Variants in GAS7 observed in about 807,000 individuals in gnomAD.
GAS7 encodes the protein growth arrest specific 7, also known as growth arrest-specific protein 7.
Under a neutral mutation model 71.1 loss-of-function variants are expected in GAS7, and 28 were observed. The ratio of observed to expected loss-of-function variants is 0.39; its 90% confidence interval spans 0.29 to 0.54. The LOEUF (loss-of-function observed/expected upper bound fraction) is 0.54. Ranked by LOEUF, GAS7 falls within the 20% of genes least tolerant of loss-of-function variation. GAS7 has a pLI of 0.62. For missense variants in GAS7, 436 were observed against 627.8 expected, an observed-to-expected ratio of 0.69 and a Z score of 3.27; for synonymous variants, 258 against 245.8, an observed-to-expected ratio of 1.05 and a Z score of -0.46.
chr17:10,151,232 T>C (rs2074163798), intron 1 of GAS7, among the ~76,000 whole-genome samples: 1 of 151,934 alleles, frequency 6.6e-6, no homozygotes, highest in Non-Finnish European at 1.5e-5. Flanking sequence ...TTCAAACTCC[T>C]GGGCTCAAGT....
At chr17:9,949,443 G>A (rs1260577578) in intron 5 of GAS7, among the ~76,000 whole-genome samples, 3 of 152,202 alleles carry the variant, frequency 2.0e-5, no homozygotes, top group African/African-American at 7.2e-5. Flanking sequence ...TGTCAGCAAA[G>A]TCAGGCCCAT....
intron 1 of GAS7, among the ~76,000 whole-genome samples, chr17:10,046,562 CTCGTCT>C (rs2072961025): frequency 6.6e-6 from 1 of 151,330 alleles, no homozygotes. Context: ...ATAGTGAAAC[CTCGTCT>C]CTACTAAAAA....
intron 1 of GAS7, among the ~76,000 whole-genome samples, chr17:10,173,767 C>CA (rs1367741809): frequency 5.4e-4 from 69 of 127,578 alleles, no homozygotes; most frequent in African/African-American, 1.7e-3. Context: ...GACTCCGTCT[C>CA]AAAAAAAAAA....
intron 1 of GAS7, among the ~76,000 whole-genome samples, chr17:10,118,358 C>T (rs919940136): frequency 6.6e-5 from 10 of 152,172 alleles, no homozygotes; most frequent in Admixed American, 3.3e-4. Flanking sequence ...CCACTCACTA[C>T]CTGGTCAGCC....
chr17:9,958,033 G>C (rs1361174285), intron 5 of GAS7, among the ~76,000 whole-genome samples: 1 of 152,186 alleles, frequency 6.6e-6, no homozygotes, highest in Admixed American at 6.5e-5. Flanking sequence ...TGCAGGCTCT[G>C]TTCTAAGTGC....
At chr17:9,963,931 G>T (rs974995665) in intron 4 of GAS7, among the ~76,000 whole-genome samples, 18 of 151,970 alleles carry the variant, frequency 1.2e-4, no homozygotes, top group African/African-American at 4.4e-4. Context: ...AATAATCTAG[G>T]GGGTGGAGGG....
At chr17:10,064,918 C>G (rs1349564298) in intron 1 of GAS7, among the ~76,000 whole-genome samples, 1 of 152,190 alleles carries the variant, frequency 6.6e-6, no homozygotes, top group South Asian at 2.1e-4. Flanking sequence ...GCCTCAAACT[C>G]CTAGGCTCAA....
Position 10,121,269 on chromosome 17 carries a change from G to A in GAS7, c.183+76939C>T, listed in dbSNP as rs567297850. 3.9e-5 allele frequency among the ~76,000 whole-genome samples: 6 copies of A among 152,142 alleles called. No homozygotes were observed. In the East Asian group the frequency reaches 1.2e-3, roughly 29 times the overall value. Reference sequence around the variant, plus strand: ...GGTGGCATGCACCTGTAGTCCCAGCGACTTGGGAGGCTGAGGCAGGAGAAT... The same window carrying A: ...GGTGGCATGCACCTGTAGTCCCAGCAACTTGGGAGGCTGAGGCAGGAGAAT... On this transcript the variant is annotated intron_variant, in intron 1 of 13. Transcript: ENST00000432992.
chr17:10,187,738 A>G (rs965321669), intron 1 of GAS7, among the ~76,000 whole-genome samples: 1 of 152,156 alleles, frequency 6.6e-6, no homozygotes, highest in African/African-American at 2.4e-5. Flanking sequence ...TCAAAAGACA[A>G]AGATTTGCTG....
chr17:10,166,225 C>T (rs1356386199), intron 1 of GAS7, among the ~76,000 whole-genome samples: 2 of 151,940 alleles, frequency 1.3e-5, no homozygotes, highest in Non-Finnish European at 2.9e-5. Context: ...GGTCTCACTA[C>T]GTTGCCCAGG....
rs569665208 is a variant in GAS7, at chr17:9,970,000, T to C, written c.386-238A>G. On this transcript the variant is annotated intron_variant, in intron 3 of 13. Transcript: ENST00000432992. This position sits in a 1 kb window ranked among gnomAD's most constrained non-coding sequence, Gnocchi z 5.5. ...AATTCTTAGGGGACTGAGTTTCTTT[T>C]TTAACCCGAGAGCAAAAGGAATGTG... 4.5e-4 allele frequency among the ~76,000 whole-genome samples: 68 copies of C among 152,322 alleles called. No homozygotes were observed. Among genetic ancestry groups the C allele is most frequent in the African/African-American group, 1.6e-3 (66 of 41,582 alleles).
At chr17:10,021,289 G>A (rs192930808) in intron 1 of GAS7, among the ~76,000 whole-genome samples, 9 of 152,222 alleles carry the variant, frequency 5.9e-5, no homozygotes, top group African/African-American at 1.9e-4. Context: ...GGTGACCCCC[G>A]CTTAGGAAAA....
At chr17:10,191,818 T>C (rs1217778099) in intron 1 of GAS7, among the ~76,000 whole-genome samples, 1 of 141,266 alleles carries the variant, frequency 7.1e-6, no homozygotes, top group East Asian at 2.0e-4. Flanking sequence ...GAGGTTGTAG[T>C]GAGCCGAGAT....
intron 2 of GAS7, among the ~76,000 whole-genome samples, chr17:9,991,628 C>A (rs1016027401): frequency 6.6e-6 from 1 of 152,040 alleles, no homozygotes; most frequent in African/African-American, 2.4e-5. Context: ...CTGGAGCTGT[C>A]CAAGCCTGTC....
intron 2 of GAS7, among the ~76,000 whole-genome samples, chr17:10,015,164 GA>G (rs1437505126): frequency 2.0e-5 from 2 of 99,296 alleles, no homozygotes; most frequent in African/African-American, 1.6e-4. Context: ...AAAAAAAAAA[GA>G]AAAGAAAAGA....
chr17:10,049,021 GA>G (rs1193707267), intron 1 of GAS7, among the ~76,000 whole-genome samples: 11 of 152,204 alleles, frequency 7.2e-5, no homozygotes, highest in African/African-American at 2.7e-4. Context: ...GGCCAGTGCA[GA>G]TGAAGCAATG....
chr17:10,070,478 C>G (rs1468582405), intron 1 of GAS7, among the ~76,000 whole-genome samples: 1 of 151,760 alleles, frequency 6.6e-6, no homozygotes, highest in Non-Finnish European at 1.5e-5. Context: ...ATTCTCCTGC[C>G]TCAGCCTCCA....
intron 2 of GAS7, among the ~76,000 whole-genome samples, chr17:9,997,892 G>T (rs770388321): frequency 3.1e-4 from 47 of 152,244 alleles, no homozygotes; most frequent in Non-Finnish European, 4.6e-4. Context: ...CAGGGCCAGG[G>T]ATGGGGGAAG....
chr17:9,981,228 T>C lies in GAS7; in HGVS notation c.385+576A>G, dbSNP rs894762145. 2.6e-4 allele frequency among the ~76,000 whole-genome samples: 39 copies of C among 151,518 alleles called. No homozygotes were observed. Among genetic ancestry groups the C allele is most frequent in the Non-Finnish European group, 1.0e-4 (7 of 67,890 alleles). ...AATCCATTGAACCCAGAAGGGGAGG[T>C]TGCAGTGAGCCGAGACTGCACCACT... is the stretch of plus-strand genomic sequence containing the variant. On this transcript the variant is annotated intron_variant, in intron 3 of 13. Transcript: ENST00000432992. This position sits in a 1 kb window ranked among gnomAD's most constrained non-coding sequence, Gnocchi z 4.4.
Sources: gnomAD v4.1 joint callset for allele counts (sites outside exome capture counted in the v4.1 genomes callset) on GRCh38, gnomAD v4.1.1 for gene constraint, Gnocchi (gnomAD v3.1) non-coding constraint, MANE v1.5 for transcripts, NCBI Gene and HGNC (gene_info 2026-07-23, HGNC 2026-07-21) for gene names.